Variants in ITFG1 observed in about 807,000 individuals in gnomAD.
The protein encoded by ITFG1 is integrin alpha FG-GAP repeat containing 1.
Under a neutral mutation model 81.8 loss-of-function variants are expected in ITFG1, and 34 were observed. That is an observed-to-expected ratio of 0.42 (90% CI 0.32 to 0.55). The LOEUF is 0.55. Ranked by LOEUF, ITFG1 falls within the 20% of genes least tolerant of loss-of-function variation. The pLI is 0.17. For missense variants in ITFG1, 672 were observed against 755.4 expected, an observed-to-expected ratio of 0.89 and a Z score of 1.29; for synonymous variants, 285 against 270.6, an observed-to-expected ratio of 1.05 and a Z score of -0.52.
intron 14 of ITFG1, among the ~76,000 whole-genome samples, chr16:47,179,104 T>G (rs566257438): frequency 2.0e-5 from 3 of 151,346 alleles, no homozygotes; most frequent in Admixed American, 1.3e-4. Context: ...TGTGGAGAAA[T>G]AGGAACACTT....
Position 47,191,006 on chromosome 16 carries a change from T to C in ITFG1, c.1453+27862A>G, listed in dbSNP as rs545556003. Among the ~76,000 whole-genome samples the C allele has an allele frequency of 3.3e-5, 5 of 152,254 alleles. No individual in the cohort carries two copies. The South Asian group carries it at 1.0e-3, about 32-fold the overall frequency. On this transcript the variant is annotated intron_variant, in intron 14 of 17. Transcript: ENST00000320640. ...CTCCAAGAGGGCAAGTCCCACAGTA[T>C]AAGGGCTATCAGGGTTCTGCTTGGG...
At chr16:47,181,368 C>T (rs868857264) in intron 14 of ITFG1, among the ~76,000 whole-genome samples, 10 of 150,640 alleles carry the variant, frequency 6.6e-5, no homozygotes, top group African/African-American at 1.9e-4. Flanking sequence ...GTCAGCCCCC[C>T]GCCCGGCCAG....
chr16:47,286,565 G>C (rs368463048), intron 10 of ITFG1, among the ~76,000 whole-genome samples: 1 of 151,794 alleles, frequency 6.6e-6, no homozygotes, highest in South Asian at 2.1e-4. Context: ...ACTTGAACCC[G>C]GGAGGCAGAG....
intron 5 of ITFG1, among the ~76,000 whole-genome samples, chr16:47,439,353 C>T (rs532925272): frequency 9.9e-5 from 15 of 152,132 alleles, no homozygotes; most frequent in Admixed American, 6.5e-4. Flanking sequence ...AGATACTCCT[C>T]GAGAACAGCA....
chr16:47,377,022 G>GA (rs1266276949), intron 6 of ITFG1, among the ~76,000 whole-genome samples: 4 of 137,588 alleles, frequency 2.9e-5, no homozygotes, highest in African/African-American at 8.2e-5. Context: ...CATGACTACT[G>GA]AAAAAAAGAG....
intron 14 of ITFG1, among the ~76,000 whole-genome samples, chr16:47,194,214 G>C (rs1965328248): frequency 6.6e-6 from 1 of 152,136 alleles, no homozygotes; most frequent in African/African-American, 2.4e-5. Context: ...AGTGTTACCT[G>C]ATCAATTCAG....
intron 12 of ITFG1, among the ~76,000 whole-genome samples, chr16:47,247,337 C>T (rs1966012939): frequency 6.6e-6 from 1 of 152,128 alleles, no homozygotes; most frequent in African/African-American, 2.4e-5. Context: ...AAAGGCAGAA[C>T]TGATTTAAAT....
intron 14 of ITFG1, among the ~76,000 whole-genome samples, chr16:47,208,526 A>AC (rs1414012384): frequency 2.6e-5 from 4 of 152,202 alleles, no homozygotes; most frequent in Admixed American, 6.5e-5. Context: ...AAAGGACCTG[A>AC]CATCAGGTGG....
chr16:47,203,395 C>T lies in ITFG1; in HGVS notation c.1453+15473G>A, dbSNP rs571287785. Among the ~76,000 whole-genome samples, 37 of 152,280 alleles carry T rather than the reference C, an allele frequency of 2.4e-4. No homozygotes were observed. The South Asian group carries it at 7.5e-3, about 31-fold the overall frequency. ...GTTTTGGGATGATTCAAGCACATTA[C>T]ATTTATTATGCACTTTATTTCTATT... On this transcript the variant is annotated intron_variant, in intron 14 of 17. Coordinates refer to ENST00000320640, the MANE Select transcript of ITFG1 (RefSeq NM_030790.5).
intron 16 of ITFG1, among the ~76,000 whole-genome samples, chr16:47,159,487 T>G (rs537109064): frequency 6.6e-6 from 1 of 152,272 alleles, no homozygotes; most frequent in East Asian, 1.9e-4. Context: ...GTGCAAAACT[T>G]CTATAATTTT....
intron 10 of ITFG1, among the ~76,000 whole-genome samples, chr16:47,296,579 G>A (rs960228438): frequency 4.6e-5 from 7 of 152,088 alleles, no homozygotes; most frequent in Non-Finnish European, 7.4e-5. Context: ...GGGATTACAG[G>A]TACACGCCAT....
At chr16:47,174,148 C>T (rs999759821) in intron 14 of ITFG1, among the ~76,000 whole-genome samples, 4 of 152,192 alleles carry the variant, frequency 2.6e-5, no homozygotes, top group African/African-American at 9.6e-5. Context: ...TGATTAATGT[C>T]ATTCAGGTTA....
At chr16:47,370,833 G>A (rs1165906733) in intron 7 of ITFG1, among the ~76,000 whole-genome samples, 3 of 152,182 alleles carry the variant, frequency 2.0e-5, no homozygotes, top group African/African-American at 7.2e-5. Flanking sequence ...TTGAGCAGAG[G>A]CCCCACCAGC....
intron 8 of ITFG1, among the ~76,000 whole-genome samples, chr16:47,325,538 G>A (rs1187160324): frequency 6.6e-6 from 1 of 152,090 alleles, no homozygotes; most frequent in African/African-American, 2.4e-5. Context: ...GCCAGGAGCT[G>A]GTTTTTTGAA....
chr16:47,454,078 A>C lies in ITFG1; in HGVS notation c.362T>G (p.Leu121Arg). ...DSQMDVLLTY[L>R]PKNYAKSELG... The stretch of plus-strand genomic sequence containing the variant: ...TTCACTCTTGGCATAATTTTTGGGA[A>C]GATATGTCAGAAGGACATCCATTTG... The change falls in exon 3 of 18, where the codon CTT (leucine) becomes CGT (arginine). Residue 121 changes from leucine (L) to arginine (R), a missense_variant. Physicochemically the swap from Leu to Arg is moderately radical, Grantham distance 102. Transcript: ENST00000320640. 3 of 1,608,640 alleles carry C rather than the reference A, an allele frequency of 1.9e-6. No homozygotes were observed. Among genetic ancestry groups the C allele is most frequent in the Non-Finnish European group, 2.6e-6 (3 of 1,175,238 alleles).
chr16:47,243,575 C>T (rs1361343993), intron 12 of ITFG1, among the ~76,000 whole-genome samples: 1 of 151,984 alleles, frequency 6.6e-6, no homozygotes, highest in Non-Finnish European at 1.5e-5. Flanking sequence ...TAAATATCCA[C>T]TGAGAGATAA....
Position 47,155,683 on chromosome 16 carries a change from T to C in ITFG1, c.*36A>G, listed in dbSNP as rs1203098422. On this transcript the variant is annotated 3_prime_UTR_variant, in exon 18 of 18. Coordinates refer to ENST00000320640, the MANE Select transcript of ITFG1 (RefSeq NM_030790.5). ...AGAATTTGTGTTTCAACTAATCAAG[T>C]GAACAGCCATTCCATTATGTAATAT... The C allele has an allele frequency of 7.0e-7, 1 of 1,434,376 alleles. No individual in the cohort carries two copies. The highest frequency in any genetic ancestry group is 2.3e-5 in the East Asian group (1 of 42,950). The allele number at this position is 1,434,376 out of a possible 1,614,324, so 88.9% of individuals were successfully genotyped here.
chr16:47,295,851 G>A (rs1329658261), intron 10 of ITFG1, among the ~76,000 whole-genome samples: 1 of 151,856 alleles, frequency 6.6e-6, no homozygotes, highest in African/African-American at 2.4e-5. Flanking sequence ...CTTTGGGTTT[G>A]GTTTGTTCAT....
At position 47,190,027 on chromosome 16, in the gene ITFG1, C is replaced by G. The variant is rs540656600; in HGVS notation, c.1454-27363G>C. On this transcript the variant is annotated intron_variant, in intron 14 of 17. Transcript: ENST00000320640. Reference sequence around the variant, plus strand: ...GAGGTTATGTGCAATTATGTTTTAGCTGTCATCCTCTGGATTAAAAAAAAA... The same window carrying G: ...GAGGTTATGTGCAATTATGTTTTAGGTGTCATCCTCTGGATTAAAAAAAAA... Among the ~76,000 whole-genome samples the G allele has an allele frequency of 7.9e-5, 12 of 152,106 alleles. No individual in the cohort carries two copies. In the Middle Eastern group the frequency reaches 0.01, roughly 130 times the overall value.
Sources: gnomAD v4.1 joint callset for allele counts (sites outside exome capture counted in the v4.1 genomes callset) on GRCh38, gnomAD v4.1.1 for gene constraint, MANE v1.5 for transcripts, NCBI Gene and HGNC (gene_info 2026-07-23, HGNC 2026-07-21) for gene names.